Variants in KCNK13 observed in about 807,000 individuals in gnomAD.
KCNK13 encodes potassium channel subfamily K member 13.
Under a neutral mutation model 23.4 loss-of-function variants are expected in KCNK13, and 12 were observed. That is an observed-to-expected ratio of 0.51 (90% CI 0.33 to 0.83). The LOEUF (loss-of-function observed/expected upper bound fraction) is 0.83. KCNK13 is among the 40% of genes least tolerant of loss of function. The pLI is 0.02. For synonymous variants in KCNK13, 231 were observed against 229.5 expected, an observed-to-expected ratio of 1.01 and a Z score of -0.06; for missense variants, 463 against 556.3, an observed-to-expected ratio of 0.83 and a Z score of 1.69.
At chr14:90,180,622 A>G (rs1285661928) in intron 1 of KCNK13, among the ~76,000 whole-genome samples, 1 of 152,192 alleles carries the variant, frequency 6.6e-6, no homozygotes, top group Non-Finnish European at 1.5e-5. Context: ...TCCTTTAACA[A>G]AATTGAATAT....
intron 1 of KCNK13, among the ~76,000 whole-genome samples, chr14:90,121,406 T>G (rs1889737338): frequency 6.6e-6 from 1 of 152,160 alleles, no homozygotes; most frequent in South Asian, 2.1e-4. Flanking sequence ...GAAAACCTTC[T>G]GGGGAGGGAT....
intron 1 of KCNK13, among the ~76,000 whole-genome samples, chr14:90,103,529 A>G (rs1266392095): frequency 1.3e-5 from 2 of 152,142 alleles, no homozygotes; most frequent in Admixed American, 6.5e-5. Flanking sequence ...TCAAACACAC[A>G]TAAAACTAGG....
At chr14:90,101,689 C>G (rs1459808002) in intron 1 of KCNK13, among the ~76,000 whole-genome samples, 6 of 145,378 alleles carry the variant, frequency 4.1e-5, no homozygotes, top group Admixed American at 1.4e-4. Flanking sequence ...ACTCGGGAGG[C>G]TGAGGCAGGA....
chr14:90,169,576 C>T (rs1243838428), intron 1 of KCNK13, among the ~76,000 whole-genome samples: 1 of 152,202 alleles, frequency 6.6e-6, no homozygotes, highest in Non-Finnish European at 1.5e-5. Context: ...ACCCCTGCCC[C>T]TCATATGGTA....
At chr14:90,121,226 G>A (rs10141782) in intron 1 of KCNK13, among the ~76,000 whole-genome samples, 6,211 of 152,258 alleles carry the variant, frequency 0.041, 259 homozygotes, top group African/African-American at 0.1. Context: ...AGAATTGCCC[G>A]TTTATGTAAA....
At chr14:90,090,531 G>A (rs1011935677) in intron 1 of KCNK13, among the ~76,000 whole-genome samples, 9 of 152,210 alleles carry the variant, frequency 5.9e-5, no homozygotes, top group African/African-American at 1.9e-4. Flanking sequence ...AGACTTTTGA[G>A]TTAATGCTGA....
At chr14:90,088,929 TCTC>T (rs1219800531) in intron 1 of KCNK13, among the ~76,000 whole-genome samples, 2 of 152,176 alleles carry the variant, frequency 1.3e-5, no homozygotes, top group African/African-American at 2.4e-5. Flanking sequence ...AGACTTGACT[TCTC>T]CTCCTTGTCT....
intron 1 of KCNK13, among the ~76,000 whole-genome samples, chr14:90,125,739 T>C (rs1889792174): frequency 6.6e-6 from 1 of 151,920 alleles, no homozygotes; most frequent in South Asian, 2.1e-4. Context: ...AAATTAAAGT[T>C]GGGTCAGGCA....
At chr14:90,063,860 G>A (rs1324267562) in intron 1 of KCNK13, among the ~76,000 whole-genome samples, 2 of 152,228 alleles carry the variant, frequency 1.3e-5, no homozygotes, top group African/African-American at 4.8e-5. Flanking sequence ...AGGCGAGGCA[G>A]AGGACCAGTA....
At chr14:90,092,144 C>A (rs1152442) in intron 1 of KCNK13, among the ~76,000 whole-genome samples, 20 of 151,970 alleles carry the variant, frequency 1.3e-4, no homozygotes, top group African/African-American at 2.4e-4. Context: ...GGATGGTCTC[C>A]ATCTCCTGAC....
At chr14:90,180,565 G>A (rs1198992486) in intron 1 of KCNK13, among the ~76,000 whole-genome samples, 1 of 152,082 alleles carries the variant, frequency 6.6e-6, no homozygotes, top group Non-Finnish European at 1.5e-5. Context: ...TAGGAGAGAT[G>A]GCAGTCATCC....
At chr14:90,133,909 A>G (rs986722498) in intron 1 of KCNK13, among the ~76,000 whole-genome samples, 2 of 152,174 alleles carry the variant, frequency 1.3e-5, no homozygotes, top group African/African-American at 2.4e-5. Context: ...CTTTCTCAGT[A>G]TAACTCCATG....
At chr14:90,071,636 C>T (rs1370248461) in intron 1 of KCNK13, among the ~76,000 whole-genome samples, 1 of 152,162 alleles carries the variant, frequency 6.6e-6, no homozygotes, top group Non-Finnish European at 1.5e-5. Flanking sequence ...ATCTTTTCCC[C>T]TTAGAAGGAA....
chr14:90,141,057 G>A (rs867101598), intron 1 of KCNK13, among the ~76,000 whole-genome samples: 2 of 152,312 alleles, frequency 1.3e-5, no homozygotes, highest in South Asian at 2.1e-4. Context: ...GGAAATGGGG[G>A]TTCTCCTGGA....
chr14:90,167,312 G>A (rs990352525), intron 1 of KCNK13, among the ~76,000 whole-genome samples: 3 of 152,152 alleles, frequency 2.0e-5, no homozygotes, highest in African/African-American at 7.2e-5. Context: ...TCCCAAAGAC[G>A]ATCTATTTTC....
At chr14:90,174,730 A>G (rs7146906) in intron 1 of KCNK13, among the ~76,000 whole-genome samples, 12,012 of 151,866 alleles carry the variant, frequency 0.079, 627 homozygotes, top group South Asian at 0.17. Context: ...ATTGTAAACC[A>G]ATAGTCCCAG....
At chr14:90,166,009 T>C (rs1330633902) in intron 1 of KCNK13, among the ~76,000 whole-genome samples, 2 of 152,278 alleles carry the variant, frequency 1.3e-5, no homozygotes, top group Admixed American at 1.3e-4. Flanking sequence ...ATGCAGATGA[T>C]TTAAAGAGTC....
chr14:90,174,968 A>G (rs968767518), intron 1 of KCNK13, among the ~76,000 whole-genome samples: 2 of 152,214 alleles, frequency 1.3e-5, no homozygotes, highest in Non-Finnish European at 2.9e-5. Context: ...ATGCTCAGGA[A>G]GAACTTTAGA....
chr14:90,088,385 G>T (rs1159200968), intron 1 of KCNK13, among the ~76,000 whole-genome samples: 1 of 151,812 alleles, frequency 6.6e-6, no homozygotes, highest in African/African-American at 2.4e-5. Context: ...CTATTTCTGT[G>T]GTGTAAATAT....
Sources: gnomAD v4.1 joint callset for allele counts (sites outside exome capture counted in the v4.1 genomes callset) on GRCh38, gnomAD v4.1.1 for gene constraint, MANE v1.5 for transcripts, NCBI Gene and HGNC (gene_info 2026-07-23, HGNC 2026-07-21) for gene names.